The following PDZRN4 variants were observed in gnomAD, a reference collection of about 807,000 sequenced individuals.
PDZRN4 encodes PDZ domain-containing RING finger protein 4.
PDZRN4 carries 70 observed loss-of-function variants against 99.0 expected under a neutral mutation model. The ratio of observed to expected loss-of-function variants is 0.71; its 90% CI spans 0.58 to 0.86. The LOEUF (loss-of-function observed/expected upper bound fraction) is 0.86. Ranked by LOEUF, PDZRN4 falls within the 40% of genes least tolerant of loss-of-function variation. The pLI, the probability that PDZRN4 is intolerant of heterozygous loss-of-function variation, is 0.00. For missense variants in PDZRN4, 1,474 were observed against 1,331.2 expected, an observed-to-expected ratio of 1.11 and a Z score of -1.67; for synonymous variants, 551 against 501.6, an observed-to-expected ratio of 1.10 and a Z score of -1.32.
rs1386632334 is a variant in PDZRN4 at position 41,191,561 on chromosome 12, A to G, written c.735+17A>G. ...CCAAATCAGGTAAAACACCTTGTTAATGCATTACTCGTTACTTATAAAATA... is the reference window on the plus strand; with the variant it reads ...CCAAATCAGGTAAAACACCTTGTTAGTGCATTACTCGTTACTTATAAAATA... On this transcript the variant is annotated intron_variant, in intron 2 of 9. Transcript: ENST00000402685. The G allele has an allele frequency of 1.8e-6, 2 of 1,108,206 alleles. No individual in the cohort carries two copies. The highest frequency in any genetic ancestry group is 2.7e-6 in the Non-Finnish European group (2 of 735,186). The allele number at this position is 1,108,206 out of a possible 1,614,324, so 68.6% of individuals were successfully genotyped here.
intron 3 of PDZRN4, among the ~76,000 whole-genome samples, chr12:41,382,402 A>G (rs1952134346): frequency 1.3e-5 from 2 of 152,192 alleles, no homozygotes; most frequent in African/African-American, 2.4e-5. Flanking sequence ...ACTGATTGCA[A>G]ACTTAGGAAA....
intron 3 of PDZRN4, among the ~76,000 whole-genome samples, chr12:41,330,976 G>T (rs942996992): frequency 7.9e-5 from 12 of 152,104 alleles, no homozygotes; most frequent in African/African-American, 2.9e-4. Context: ...TAGTTATTTT[G>T]TTCCATAACA....
chr12:41,463,353 A>G (rs1205958064), intron 3 of PDZRN4, among the ~76,000 whole-genome samples: 1 of 152,092 alleles, frequency 6.6e-6, no homozygotes, highest in Non-Finnish European at 1.5e-5. Context: ...CTTTCTTTAA[A>G]TCTGTAGTAC....
At chr12:41,551,823 A>T (rs1263536111) in intron 5 of PDZRN4, among the ~76,000 whole-genome samples, 2 of 152,238 alleles carry the variant, frequency 1.3e-5, no homozygotes, top group Non-Finnish European at 2.9e-5. Flanking sequence ...TATGTAATTT[A>T]TCCTGAAGTC....
At chr12:41,480,058 T>C (rs543134391) in intron 3 of PDZRN4, among the ~76,000 whole-genome samples, 1 of 152,340 alleles carries the variant, frequency 6.6e-6, no homozygotes, top group Non-Finnish European at 1.5e-5. Flanking sequence ...AATATTGGTG[T>C]AGAATTCTTC....
At chr12:41,563,824 T>G (rs1445994113) in intron 8 of PDZRN4, among the ~76,000 whole-genome samples, 175 bp downstream of exon 8, 1 of 152,142 alleles carries the variant, frequency 6.6e-6, no homozygotes, top group Admixed American at 6.6e-5. Flanking sequence ...ATTTTAAAAA[T>G]AGATATGAAA....
intron 3 of PDZRN4, among the ~76,000 whole-genome samples, chr12:41,404,306 A>T (rs1201645979): frequency 6.6e-6 from 1 of 152,150 alleles, no homozygotes; most frequent in Non-Finnish European, 1.5e-5. Flanking sequence ...GTGTGAAAGA[A>T]ATTCCAAAGC....
At chr12:41,338,201 A>G (rs1203171405) in intron 3 of PDZRN4, among the ~76,000 whole-genome samples, 2 of 152,162 alleles carry the variant, frequency 1.3e-5, no homozygotes, top group Non-Finnish European at 2.9e-5. Flanking sequence ...TTTCAAAAGG[A>G]TTAATATCTA....
intron 3 of PDZRN4, among the ~76,000 whole-genome samples, chr12:41,315,850 T>C (rs992059898): frequency 6.6e-6 from 1 of 152,128 alleles, no homozygotes; most frequent in Admixed American, 6.6e-5. Flanking sequence ...AAAGTCCTGG[T>C]CAGAACCTAA....
At position 41,283,283 on chromosome 12, in the gene PDZRN4, A is replaced by G. The variant is rs547832015; in HGVS notation, c.843+89095A>G. Among the ~76,000 whole-genome samples the G allele has an allele frequency of 5.9e-5, 9 of 152,330 alleles. No individual in the cohort carries two copies. The South Asian group carries it at 1.7e-3, about 28-fold the overall frequency. On this transcript the variant is annotated intron_variant, in intron 3 of 9. Transcript: ENST00000402685. ...TCTGGAAGAATGGATAAATTCCTGG[A>G]TACATACACCCTCCCCAGACTAAAC...
At chr12:41,339,896 T>C (rs543514776) in intron 3 of PDZRN4, among the ~76,000 whole-genome samples, 2 of 152,126 alleles carry the variant, frequency 1.3e-5, no homozygotes, top group South Asian at 2.1e-4. Context: ...CCAGTTAACA[T>C]GGCTTGTCTC....
At chr12:41,217,158 T>C (rs1430789431) in intron 3 of PDZRN4, among the ~76,000 whole-genome samples, 1 of 152,110 alleles carries the variant, frequency 6.6e-6, no homozygotes, top group Non-Finnish European at 1.5e-5. Context: ...GTGTCTGGAC[T>C]GGACTTTCAG....
intron 3 of PDZRN4, among the ~76,000 whole-genome samples, chr12:41,342,773 T>C (rs1422858385): frequency 6.6e-6 from 1 of 151,906 alleles, no homozygotes; most frequent in Non-Finnish European, 1.5e-5. Flanking sequence ...TGTAAATTAG[T>C]GCAGCCACTA....
intron 3 of PDZRN4, among the ~76,000 whole-genome samples, chr12:41,210,092 G>T (rs1467372383): frequency 1.3e-5 from 2 of 152,074 alleles, no homozygotes; most frequent in East Asian, 1.9e-4. Flanking sequence ...TTTCTCTGAT[G>T]GCCAGTGATG....
In PDZRN4 at chr12:41,199,391, A is replaced by G. The variant is rs1192506399; in HGVS notation, c.843+5203A>G. On this transcript the variant is annotated intron_variant, in intron 3 of 9. Coordinates refer to ENST00000402685, the MANE Select transcript of PDZRN4 (RefSeq NM_001164595.2). Reference sequence around the variant, plus strand: ...GGTGAAAATGTAGAGAAAAGAGAACACTTACACACTATTGGTTGGAATGGA... The same window carrying G: ...GGTGAAAATGTAGAGAAAAGAGAACGCTTACACACTATTGGTTGGAATGGA... Among the ~76,000 whole-genome samples the G allele has an allele frequency of 2.0e-5, 3 of 152,202 alleles. No individual in the cohort carries two copies. In the East Asian group the frequency reaches 5.8e-4, roughly 29 times the overall value.
chr12:41,335,225 C>T (rs1157808614), intron 3 of PDZRN4, among the ~76,000 whole-genome samples: 15 of 151,348 alleles, frequency 9.9e-5, no homozygotes, highest in Non-Finnish European at 1.9e-4. Flanking sequence ...TCACTATTTG[C>T]CTATTTGCTA....
chr12:41,448,433 T>G (rs1952747836), intron 3 of PDZRN4, among the ~76,000 whole-genome samples: 1 of 151,998 alleles, frequency 6.6e-6, no homozygotes, highest in Admixed American at 6.6e-5. Context: ...CAGGACAGAG[T>G]CAGTTCATTC....
chr12:41,552,844 G>T, intron 6 of PDZRN4, 90 bp downstream of exon 6: 2 of 965,232 alleles, frequency 2.1e-6, no homozygotes, highest in Non-Finnish European at 3.2e-6. Context: ...TTCCTTCAGA[G>T]GCTTGAATGT....
chr12:41,400,670 C>T (rs558760943), intron 3 of PDZRN4, among the ~76,000 whole-genome samples: 1 of 152,208 alleles, frequency 6.6e-6, no homozygotes, highest in Admixed American at 6.5e-5. Flanking sequence ...CATAAAACTG[C>T]CCTAGTGCAT....
Sources: allele counts gnomAD v4.1 joint callset (sites outside exome capture counted in the v4.1 genomes callset), GRCh38; gene constraint gnomAD v4.1.1; transcripts MANE v1.5; gene names NCBI Gene and HGNC (gene_info 2026-07-23, HGNC 2026-07-21).